The following ASH1L variants were observed in gnomAD, a reference collection of about 807,000 sequenced individuals.
ASH1L encodes the protein histone-lysine N-methyltransferase ASH1L.
ASH1L carries 23 observed loss-of-function variants against 269.0 expected under a neutral mutation model. The ratio of observed to expected loss-of-function variants is 0.09; its 90% CI spans 0.06 to 0.12. ASH1L has a LOEUF of 0.12. Among genes scored for constraint, ASH1L ranks in the 10% least tolerant of loss-of-function variants. ASH1L has a pLI of 1.00. For synonymous variants in ASH1L, 1,187 were observed against 1,253.5 expected, an observed-to-expected ratio of 0.95 and a Z score of 1.12; for missense variants, 2,912 against 3,567.8, an observed-to-expected ratio of 0.82 and a Z score of 4.68.
chr1:155,469,165 G>A (rs1664905092), intron 3 of ASH1L, among the ~76,000 whole-genome samples: 1 of 151,524 alleles, frequency 6.6e-6, no homozygotes, highest in Admixed American at 6.6e-5. Context: ...CATAACACTT[G>A]ACACTCTTTT....
intron 6 of ASH1L, among the ~76,000 whole-genome samples, chr1:155,406,606 G>A (rs1411422053): frequency 6.6e-6 from 1 of 152,174 alleles, no homozygotes; most frequent in African/African-American, 2.4e-5. Context: ...GGGAGGCTGA[G>A]GAAGGAGGAT....
At position 155,474,086 on chromosome 1, in the gene ASH1L, G is replaced by C. The variant is rs1045291752; in HGVS notation, c.4984+3800C>G. On this transcript the variant is annotated intron_variant, in intron 3 of 27. Transcript: ENST00000392403. ...TGACCTCAGGTGATCTGCCTGCCTT[G>C]GTCTCCCAAAGTGCTGGGATTACAG... 5.3e-5 allele frequency among the ~76,000 whole-genome samples: 8 copies of C among 152,168 alleles called. 1 individual carries two copies. The highest frequency in any genetic ancestry group is 5.2e-4 in the Admixed American group (8 of 15,294).
At chr1:155,408,416 C>T (rs907654381) in intron 6 of ASH1L, among the ~76,000 whole-genome samples, 1 of 152,018 alleles carries the variant, frequency 6.6e-6, no homozygotes, top group African/African-American at 2.4e-5. Context: ...GTAGAAAAAG[C>T]ACATGAAAAA....
chr1:155,464,413 CGT>C (rs1664523788), intron 3 of ASH1L, among the ~76,000 whole-genome samples: 1 of 151,982 alleles, frequency 6.6e-6, no homozygotes, highest in Non-Finnish European at 1.5e-5. Flanking sequence ...AATATTACTA[CGT>C]AGACCACCGC....
At chr1:155,431,404 C>T (rs1055758613) in intron 5 of ASH1L, among the ~76,000 whole-genome samples, 2 of 152,008 alleles carry the variant, frequency 1.3e-5, no homozygotes, top group African/African-American at 2.4e-5. Flanking sequence ...ATCCTCCCAC[C>T]TCAGCCTCCC....
intron 2 of ASH1L, chr1:155,520,435 C>T (rs1173010681): frequency 6.6e-6 from 1 of 151,384 alleles, no homozygotes; most frequent in Non-Finnish European, 1.5e-5. Flanking sequence ...AATGAAATAC[C>T]CTAAAAATCA....
At chr1:155,473,870 C>T (rs1196546823) in intron 3 of ASH1L, among the ~76,000 whole-genome samples, 1 of 152,014 alleles carries the variant, frequency 6.6e-6, no homozygotes, top group African/African-American at 2.4e-5. Flanking sequence ...GACTCTCACA[C>T]TGTCATCCAG....
chr1:155,455,303 T>C lies in ASH1L; in HGVS notation c.5086+4494A>G, dbSNP rs140248507. Among the ~76,000 whole-genome samples, 747 of 152,320 alleles carry C rather than the reference T, an allele frequency of 4.9e-3. 4 individuals carry two copies. Among genetic ancestry groups the C allele is most frequent in the Non-Finnish European group, 8.7e-3 (590 of 68,012 alleles). On this transcript the variant is annotated intron_variant, in intron 4 of 27. Coordinates refer to ENST00000392403, the MANE Select transcript of ASH1L (RefSeq NM_018489.3). ...TAAAAACCTCCAGAAAAGGCTTAGA[T>C]TGTACTCATCAATAATAATTTTGTT...
chr1:155,462,369 C>A (rs1411992023), intron 3 of ASH1L, among the ~76,000 whole-genome samples: 1 of 152,174 alleles, frequency 6.6e-6, no homozygotes, highest in Non-Finnish European at 1.5e-5. Context: ...TCTTGGTCAT[C>A]TTCAAGAAAG....
At chr1:155,556,467 C>A (rs1043241995) in intron 1 of ASH1L, among the ~76,000 whole-genome samples, 2 of 148,796 alleles carry the variant, frequency 1.3e-5, no homozygotes, top group Non-Finnish European at 3.0e-5. Context: ...TTTTTTGAGA[C>A]AGAGTTTCAC....
chr1:155,340,306 CTGAG>C (rs1018934657), intron 25 of ASH1L, among the ~76,000 whole-genome samples: 40 of 152,218 alleles, frequency 2.6e-4, no homozygotes, highest in African/African-American at 9.6e-4. Context: ...CCTCAGCCTC[CTGAG>C]TAACTGGGAT....
rs576415116 is a variant in ASH1L, at chr1:155,337,672, G to C, written c.8883C>G (p.Ser2961Arg). The change falls in exon 28 of 28, where the codon AGC becomes AGG. Residue 2961 changes from serine (S) to arginine (R), a missense_variant. Transcript: ENST00000392403. ...CATTCTTTGAGGGTCACTTTCGAAA[G>C]CTGTTTTCTGGGATAAACAAAGTAC... The part of the protein sequence containing the change: ...RRRTLFIPEN[S>R]FRK The C allele has an allele frequency of 3.7e-6, 6 of 1,613,638 alleles. No individual in the cohort carries two copies. The South Asian group carries it at 6.6e-5, about 18-fold the overall frequency.
At chr1:155,411,586 A>ATATATATATATATATATAT (rs1558075618) in intron 6 of ASH1L, among the ~76,000 whole-genome samples, 51 of 55,118 alleles carry the variant, frequency 9.3e-4, no homozygotes, top group South Asian at 3.4e-3. Context: ...TAAATAAATA[A>ATATATATATATATATATAT]ATATATATAT....
chr1:155,352,862 G>A lies in ASH1L; in HGVS notation c.7214-4C>T, dbSNP rs1175875880. ...GAGAACTGGGTCATGAAGACATCTG[G>A]AAAAATAAAGTGAAAATTAAGTTAC... On this transcript the variant is annotated splice_region_variant and splice_polypyrimidine_tract_variant and intron_variant, in intron 16 of 27. Transcript: ENST00000392403. The A allele has an allele frequency of 6.3e-7, 1 of 1,585,326 alleles. No homozygotes were observed. The highest frequency in any genetic ancestry group is 8.6e-7 in the Non-Finnish European group (1 of 1,169,418).
intron 6 of ASH1L, among the ~76,000 whole-genome samples, chr1:155,405,246 T>C (rs1441020794): frequency 6.9e-6 from 1 of 145,210 alleles, no homozygotes; most frequent in East Asian, 3.7e-4. Flanking sequence ...TTTAGGGGGC[T>C]GAGGGGGGGG....
intron 7 of ASH1L, among the ~76,000 whole-genome samples, chr1:155,384,780 C>T (rs1657282561): frequency 6.6e-6 from 1 of 152,080 alleles, no homozygotes; most frequent in African/African-American, 2.4e-5. Flanking sequence ...GTCTGCTAAT[C>T]TTCTTGAATA....
chr1:155,534,872 T>G (rs1669941347), intron 1 of ASH1L, among the ~76,000 whole-genome samples: 1 of 152,216 alleles, frequency 6.6e-6, no homozygotes, highest in African/African-American at 2.4e-5. Flanking sequence ...GATTAAACAA[T>G]GCAGGTAGAT....
intron 4 of ASH1L, among the ~76,000 whole-genome samples, chr1:155,445,897 A>G (rs981448862): frequency 1.3e-5 from 2 of 150,968 alleles, no homozygotes; most frequent in Non-Finnish European, 3.0e-5. Flanking sequence ...TACATTTTTT[A>G]TTTTTTATTT....
At chr1:155,498,724 A>C (rs1048185019) in intron 2 of ASH1L, among the ~76,000 whole-genome samples, 1 of 151,928 alleles carries the variant, frequency 6.6e-6, no homozygotes, top group Non-Finnish European at 1.5e-5. Context: ...TACAGGCATA[A>C]GCCACTGTGC....
Sources: allele counts gnomAD v4.1 joint callset (sites outside exome capture counted in the v4.1 genomes callset), GRCh38; gene constraint gnomAD v4.1.1; transcripts MANE v1.5; gene names NCBI Gene and HGNC (gene_info 2026-07-23, HGNC 2026-07-21).